Variants in LRRN3 observed in about 807,000 individuals in gnomAD.
The protein encoded by LRRN3 is leucine rich repeat neuronal 3, also known as leucine-rich repeat neuronal protein 3.
LRRN3 carries 15 observed loss-of-function variants against 40.1 expected under a neutral mutation model. That is an observed-to-expected ratio of 0.37 (90% CI 0.25 to 0.58). The LOEUF is 0.58. Among genes scored for constraint, LRRN3 ranks in the 20% least tolerant of loss-of-function variants. The pLI, the probability that LRRN3 is intolerant of heterozygous loss-of-function variation, is 0.72. For synonymous variants in LRRN3, 308 were observed against 297.2 expected, an observed-to-expected ratio of 1.04 and a Z score of -0.37; for missense variants, 746 against 837.7, an observed-to-expected ratio of 0.89 and a Z score of 1.35.
chr7:111,105,113 T>C (rs1406683941), intron 2 of LRRN3, among the ~76,000 whole-genome samples: 1 of 151,822 alleles, frequency 6.6e-6, no homozygotes, highest in Admixed American at 6.6e-5. Context: ...AAAAATATAT[T>C]CTTAACTCTG....
intron 1 of LRRN3, among the ~76,000 whole-genome samples, chr7:111,098,161 A>G (rs1320050439): frequency 1.3e-5 from 2 of 151,866 alleles, no homozygotes; most frequent in East Asian, 3.9e-4. Context: ...ATAAGATATA[A>G]ACATCATCCA....
At chr7:111,121,472 T>G (rs1800606034) in intron 2 of LRRN3, among the ~76,000 whole-genome samples, 1 of 152,108 alleles carries the variant, frequency 6.6e-6, no homozygotes, top group Non-Finnish European at 1.5e-5. Flanking sequence ...AAAAGACACA[T>G]GAAAAAATGA....
Position 111,123,249 on chromosome 7 carries a change from C to G in LRRN3, c.477C>G (p.Ala159=). 2 of 1,613,862 alleles carry G rather than the reference C, an allele frequency of 1.2e-6. No homozygotes were observed. Among genetic ancestry groups the G allele is most frequent in the Non-Finnish European group, 1.7e-6 (2 of 1,179,916 alleles). The part of the protein sequence containing the change: ...HNLLSTISPG[A]FIGLHNLLRL... ...TGCTTTCTACAATTTCACCTGGAGC[C>G]TTTATTGGCCTACATAATCTTCTTC... is the stretch of plus-strand genomic sequence containing the variant. The change falls in exon 3 of 3, where the codon GCC becomes GCG. Residue 159 remains alanine (A), a synonymous_variant. Transcript: ENST00000308478. This position sits in a 1 kb window ranked among gnomAD's most constrained non-coding sequence, Gnocchi z 6.4.
At chr7:111,109,858 G>A (rs1363959060) in intron 2 of LRRN3, among the ~76,000 whole-genome samples, 1 of 152,198 alleles carries the variant, frequency 6.6e-6, no homozygotes, top group Non-Finnish European at 1.5e-5. Context: ...TTCAGGGGCT[G>A]GGCGCGGTGG....
rs1801084551 is a variant in LRRN3 at position 111,124,727 on chromosome 7, A to G, written c.1955A>G (p.Glu652Gly). ...TGTCTTATCAGCTGCCTCTCTCCAG[A>G]AATGAACTGTGATGGTGGACACAGC... ...VICLISCLSP[E>G]MNCDGGHSYV... The change falls in exon 3 of 3, where the codon GAA becomes GGA. Residue 652 changes from glutamate (E) to glycine (G), a missense_variant. Coordinates refer to ENST00000308478, the MANE Select transcript of LRRN3 (RefSeq NM_001099658.2). 1 of 1,613,994 alleles carries G rather than the reference A, an allele frequency of 6.2e-7. No homozygotes were observed.
At chr7:111,113,521 TTTA>T (rs1799489794) in intron 2 of LRRN3, among the ~76,000 whole-genome samples, 1 of 152,178 alleles carries the variant, frequency 6.6e-6, no homozygotes, top group Non-Finnish European at 1.5e-5. Context: ...AATCACTTCA[TTTA>T]TTTTTTTCTT....
intron 2 of LRRN3, among the ~76,000 whole-genome samples, chr7:111,112,708 T>C (rs1799383495): frequency 6.6e-6 from 1 of 152,172 alleles, no homozygotes; most frequent in African/African-American, 2.4e-5. Flanking sequence ...TCTGACACAC[T>C]TTTGAAAAGA....
At chr7:111,117,238 G>C (rs1219535309) in intron 2 of LRRN3, among the ~76,000 whole-genome samples, 4 of 152,096 alleles carry the variant, frequency 2.6e-5, no homozygotes, top group Non-Finnish European at 2.9e-5. Flanking sequence ...ACATTCAATT[G>C]TTAGACACCT....
intron 2 of LRRN3, among the ~76,000 whole-genome samples, chr7:111,108,537 A>G (rs1010564458): frequency 1.3e-5 from 2 of 152,164 alleles, no homozygotes; most frequent in Admixed American, 1.3e-4. Context: ...CAAAACATAC[A>G]TATCTCCATT....
At chr7:111,110,295 A>T (rs947376902) in intron 2 of LRRN3, among the ~76,000 whole-genome samples, 1 of 152,236 alleles carries the variant, frequency 6.6e-6, no homozygotes. Context: ...GATAGGAATC[A>T]GTCATTAAAG....
chr7:111,122,934 T>C lies in LRRN3; in HGVS notation c.162T>C (p.Asp54=). ...TTTATATGGAAGCATCTACAGTGGATTGTAATGATTTAGGTCTTTTAACTT... is the reference window on the plus strand; with the variant it reads ...TTTATATGGAAGCATCTACAGTGGACTGTAATGATTTAGGTCTTTTAACTT... ...RSIYMEASTV[D]CNDLGLLTFP... is the part of the protein sequence containing the mutation. The change falls in exon 3 of 3, where the codon GAT becomes GAC. Residue 54 remains aspartate (D), a synonymous_variant. Coordinates refer to ENST00000308478, the MANE Select transcript of LRRN3 (RefSeq NM_001099658.2). The C allele has an allele frequency of 1.2e-6, 2 of 1,614,026 alleles. No homozygotes were observed. Among genetic ancestry groups the C allele is most frequent in the East Asian group, 4.5e-5 (2 of 44,876 alleles).
Position 111,118,119 on chromosome 7 carries a change from C to T in LRRN3, c.-358-4296C>T, listed in dbSNP as rs1358950025. On this transcript the variant is annotated intron_variant, in intron 2 of 2. Transcript: ENST00000308478. ...TTGTGCATCCACAGAGCATTGCACACATTTTTATTGTAAATCAAATCTACT... is the reference window on the plus strand; with the variant it reads ...TTGTGCATCCACAGAGCATTGCACATATTTTTATTGTAAATCAAATCTACT... Among the ~76,000 whole-genome samples the T allele has an allele frequency of 2.0e-5, 3 of 152,092 alleles. No individual in the cohort carries two copies. In the South Asian group the frequency reaches 6.2e-4, roughly 31 times the overall value.
At chr7:111,121,684 G>T (rs1800640150) in intron 2 of LRRN3, among the ~76,000 whole-genome samples, 1 of 152,106 alleles carries the variant, frequency 6.6e-6, no homozygotes, top group Admixed American at 6.6e-5. Context: ...ATTCCTCGGG[G>T]ATCTAGAACT....
chr7:111,121,505 A>G (rs916336369), intron 2 of LRRN3, among the ~76,000 whole-genome samples: 34 of 152,194 alleles, frequency 2.2e-4, no homozygotes, highest in African/African-American at 8.2e-4. Context: ...GCCATCAGAG[A>G]AATGCAAATC....
At chr7:111,110,167 T>C (rs1235674644) in intron 2 of LRRN3, among the ~76,000 whole-genome samples, 10 of 152,148 alleles carry the variant, frequency 6.6e-5, no homozygotes, top group Non-Finnish European at 1.0e-4. Flanking sequence ...TGAACTATAC[T>C]AAAATATGCA....
chr7:111,092,557 T>C (rs1021991303), intron 1 of LRRN3, among the ~76,000 whole-genome samples: 26 of 152,158 alleles, frequency 1.7e-4, no homozygotes, highest in South Asian at 4.1e-4. Context: ...ACCTAGAAAA[T>C]AGTGTGCTCT....
At chr7:111,121,039 C>G (rs1446132826) in intron 2 of LRRN3, among the ~76,000 whole-genome samples, 1 of 151,320 alleles carries the variant, frequency 6.6e-6, no homozygotes, top group African/African-American at 2.4e-5. Context: ...AATAAAATTA[C>G]AAGGTATAAA....
chr7:111,102,484 G>A (rs987146607), intron 2 of LRRN3, among the ~76,000 whole-genome samples: 1 of 151,542 alleles, frequency 6.6e-6, no homozygotes, highest in African/African-American at 2.4e-5. Flanking sequence ...ACAGTAATGT[G>A]TTGCTGCTGC....
chr7:111,096,699 T>A (rs1563237806), intron 1 of LRRN3, among the ~76,000 whole-genome samples: 1 of 151,810 alleles, frequency 6.6e-6, no homozygotes, highest in African/African-American at 2.4e-5. Flanking sequence ...TCCAGGTTAC[T>A]AAAAATTATG....
Sources: allele counts gnomAD v4.1 joint callset (sites outside exome capture counted in the v4.1 genomes callset), GRCh38; gene constraint gnomAD v4.1.1; non-coding constraint Gnocchi (gnomAD v3.1); transcripts MANE v1.5; gene names NCBI Gene and HGNC (gene_info 2026-07-23, HGNC 2026-07-21).